UGT2B17: variants seen among roughly 807,000 people sequenced by gnomAD.
The protein encoded by UGT2B17 is UDP glucuronosyltransferase family 2 member B17.
UGT2B17 carries 21 observed loss-of-function variants against 48.2 expected under a neutral mutation model. The ratio of observed to expected loss-of-function variants is 0.44; its 90% CI spans 0.31 to 0.63. UGT2B17 has a LOEUF of 0.63. UGT2B17 is among the 20% of genes least tolerant of loss of function. The pLI is 0.08. For synonymous variants in UGT2B17, 146 were observed against 238.4 expected (o/e 0.61, Z 3.57); for missense variants, 402 against 696.1 (o/e 0.58, Z 4.75).
At chr4:68,561,039 A>T (rs77332694) in intron 3 of UGT2B17, among the ~76,000 whole-genome samples, 1 of 120,454 alleles carries the variant, frequency 8.3e-6, no homozygotes, top group African/African-American at 2.8e-5. Flanking sequence ...CTTTAATTCT[A>T]TTTTTTTTTG....
At chr4:68,555,935 T>A (rs1162576247) in intron 4 of UGT2B17, among the ~76,000 whole-genome samples, 1 of 120,100 alleles carries the variant, frequency 8.3e-6, no homozygotes, top group Non-Finnish European at 1.7e-5. Flanking sequence ...TTTTTTTTTT[T>A]TTTTTTGTAA....
rs1351678606 is a variant in UGT2B17 at position 68,558,484 on chromosome 4, A to T, written c.1005+2053T>A. The stretch of plus-strand genomic sequence containing the variant: ...TAACAGCAACCAATTTACATACATA[A>T]TCCACTTTCATACCTGCCTACTGAT... On this transcript the variant is annotated intron_variant, in intron 4 of 6. Coordinates refer to ENST00000317746, the MANE Select transcript of UGT2B17 (RefSeq NM_001077.4). Among the ~76,000 whole-genome samples the T allele has an allele frequency of 4.0e-5, 5 of 126,260 alleles. 2 individuals carry two copies. The highest frequency in any genetic ancestry group is 8.4e-5 in the Non-Finnish European group (5 of 59,362). 82.8% of individuals were successfully genotyped at this position (126,260 alleles called of 152,430 possible).
In UGT2B17 at chr4:68,550,796, C is replaced by T. The variant is rs777284286; in HGVS notation, c.1194G>A (p.Ala398=). The change falls in exon 6 of 7, where the codon GCG becomes GCA. Residue 398 remains alanine (A), a synonymous_variant. Transcript: ENST00000317746. ...TGTGAGCAATGTTATCATGTTGATC[C>T]GCAAACAAGGGAATGCCCACCATAG... The part of the protein sequence containing the change: ...GIPMVGIPLF[A]DQHDNIAHMK... 4.1e-5 allele frequency: 57 copies of T among 1,387,002 alleles called. 13 individuals are homozygous for T. Among genetic ancestry groups the T allele is most frequent in the African/African-American group, 1.6e-4 (11 of 67,542 alleles). 85.9% of individuals were successfully genotyped at this position (1,387,002 alleles called of 1,614,324 possible). A position where few individuals can be genotyped will look rare whatever the true frequency, so the allele number is the denominator to read the frequency against.
intron 1 of UGT2B17, among the ~76,000 whole-genome samples, chr4:68,573,194 A>G (rs1466414281): frequency 7.9e-6 from 1 of 127,280 alleles, no homozygotes; most frequent in Non-Finnish European, 1.7e-5. Context: ...GCCCTTGGAC[A>G]TGGGGGCCAG....
rs1730979008 is a variant in UGT2B17 at position 68,555,117 on chromosome 4, T to C, written c.1006-3206A>G. 1.6e-5 allele frequency among the ~76,000 whole-genome samples: 2 copies of C among 126,246 alleles called. 1 individual carries two copies. Among genetic ancestry groups the C allele is most frequent in the South Asian group, 7.3e-4 (2 of 2,726 alleles). 82.8% of individuals were successfully genotyped at this position (126,246 alleles called of 152,430 possible). ...TAAATAAGATAACAACAATTATTGA[T>C]AAAGTATGATAATATTAGAAATGCA... On this transcript the variant is annotated intron_variant, in intron 4 of 6. Transcript: ENST00000317746.
At chr4:68,542,416 G>C (rs1013201333) in intron 6 of UGT2B17, among the ~76,000 whole-genome samples, 7 of 126,294 alleles carry the variant, frequency 5.5e-5, no homozygotes, top group Admixed American at 2.4e-4. Flanking sequence ...AATGTCAATG[G>C]TAGTTTGATG....
intron 2 of UGT2B17, among the ~76,000 whole-genome samples, chr4:68,566,334 C>A (rs1731201855): frequency 8.2e-6 from 1 of 121,340 alleles, no homozygotes; most frequent in Admixed American, 8.8e-5. Flanking sequence ...TCAGTATATT[C>A]ACAATCATAA....
intron 3 of UGT2B17, among the ~76,000 whole-genome samples, chr4:68,564,638 T>C (rs1402218988): frequency 8.0e-6 from 1 of 125,334 alleles, no homozygotes; most frequent in African/African-American, 2.7e-5. Context: ...TTTGGAGTCC[T>C]GGGAACTGCC....
Position 68,537,500 on chromosome 4 carries a change from A to G in UGT2B17, c.*125T>C, listed in dbSNP as rs1730573731. The stretch of plus-strand genomic sequence containing the variant: ...TTCCTGGAAAATAAATTTTGACTTA[A>G]CAGGGTAAGTTGTGAAAAGACGTTT... On this transcript the variant is annotated 3_prime_UTR_variant, in exon 7 of 7. Coordinates refer to ENST00000317746, the MANE Select transcript of UGT2B17 (RefSeq NM_001077.4). 5 of 848,542 alleles carry G rather than the reference A, an allele frequency of 5.9e-6. 2 individuals carry two copies. The South Asian group carries it at 1.3e-4, about 22-fold the overall frequency. The allele number at this position is 848,542 out of a possible 1,614,324, so 52.6% of individuals were successfully genotyped here.
Position 68,568,644 on chromosome 4 carries a change from T to G in UGT2B17, c.-64-96A>C, listed in dbSNP as rs747629275. 5 of 756,448 alleles carry G rather than the reference T, an allele frequency of 6.6e-6. 1 individual carries two copies. The highest frequency in any genetic ancestry group is 4.0e-5 in the Admixed American group (1 of 24,846). 46.9% of individuals were successfully genotyped at this position (756,448 alleles called of 1,614,324 possible). On this transcript the variant is annotated intron_variant, in intron 1 of 6. Transcript: ENST00000317746. ...GTTTGGTGTTCTTTTATATTTACAATTACTCTAGTCAAGCAATAATTTTTA... is the reference window on the plus strand; with the variant it reads ...GTTTGGTGTTCTTTTATATTTACAAGTACTCTAGTCAAGCAATAATTTTTA...
At chr4:68,546,744 C>T (rs1730818353) in intron 6 of UGT2B17, among the ~76,000 whole-genome samples, 1 of 125,490 alleles carries the variant, frequency 8.0e-6, no homozygotes, top group Non-Finnish European at 1.7e-5. Flanking sequence ...GATAAAAAAT[C>T]AATGTGCAAA....
At position 68,570,867 on chromosome 4, in the gene UGT2B17, T is replaced by C. The variant is rs1212096854; in HGVS notation, c.-64-2319A>G. Among the ~76,000 whole-genome samples the C allele has an allele frequency of 3.2e-5, 4 of 126,656 alleles. 2 individuals are homozygous for C. Among genetic ancestry groups the C allele is most frequent in the African/African-American group, 5.4e-5 (2 of 36,874 alleles). 83.1% of individuals were successfully genotyped at this position (126,656 alleles called of 152,430 possible). Reference sequence around the variant, plus strand: ...CGTGCTACACTTGCACAGGTACATGTGCCAGTTTTGTCATATTTTTAACTA... The same window carrying C: ...CGTGCTACACTTGCACAGGTACATGCGCCAGTTTTGTCATATTTTTAACTA... On this transcript the variant is annotated intron_variant, in intron 1 of 6. Transcript: ENST00000317746.
At chr4:68,563,579 A>G (rs1354316573) in intron 3 of UGT2B17, among the ~76,000 whole-genome samples, 1 of 126,524 alleles carries the variant, frequency 7.9e-6, no homozygotes, top group African/African-American at 2.7e-5. Context: ...TCATGGTAGT[A>G]TTAGTAATAA....
Position 68,570,934 on chromosome 4 carries a change from A to G in UGT2B17, c.-64-2386T>C, listed in dbSNP as rs188787158. On this transcript the variant is annotated intron_variant, in intron 1 of 6. Coordinates refer to ENST00000317746, the MANE Select transcript of UGT2B17 (RefSeq NM_001077.4). ...CCTGATTATCTATGTGTAGACAGTAATTAGTAAGGTTAAATTTTTCACAAA... is the reference window on the plus strand; with the variant it reads ...CCTGATTATCTATGTGTAGACAGTAGTTAGTAAGGTTAAATTTTTCACAAA... Among the ~76,000 whole-genome samples, 376 of 126,194 alleles carry G rather than the reference A, an allele frequency of 3.0e-3. 94 individuals carry two copies. Among genetic ancestry groups the G allele is most frequent in the Non-Finnish European group, 2.8e-3 (164 of 59,606 alleles). The allele number at this position is 126,194 out of a possible 152,430, so 82.8% of individuals were successfully genotyped here.
intron 1 of UGT2B17, among the ~76,000 whole-genome samples, chr4:68,574,217 A>G (rs2109781554): frequency 7.8e-6 from 1 of 127,430 alleles, no homozygotes; most frequent in South Asian, 3.5e-4. Flanking sequence ...TATTTCCATT[A>G]GCACTAATTT....
At position 68,563,998 on chromosome 4, in the gene UGT2B17, A is replaced by G. The variant is rs187989180; in HGVS notation, c.873+1574T>C. On this transcript the variant is annotated intron_variant, in intron 3 of 6. Transcript: ENST00000317746. Reference sequence around the variant, plus strand: ...CAACAATATTTTTGGATCACTGGCTATGTGTCAGAGACAACTTAAGTGTTT... The same window carrying G: ...CAACAATATTTTTGGATCACTGGCTGTGTGTCAGAGACAACTTAAGTGTTT... Among the ~76,000 whole-genome samples the G allele has an allele frequency of 4.0e-5, 5 of 124,766 alleles. 2 individuals are homozygous for G. Among genetic ancestry groups the G allele is most frequent in the East Asian group, 1.5e-3 (2 of 1,298 alleles). The allele number at this position is 124,766 out of a possible 152,430, so 81.9% of individuals were successfully genotyped here.
In UGT2B17 at chr4:68,539,224, T is replaced by C. The variant is rs1386987423; in HGVS notation, c.1314-1320A>G. On this transcript the variant is annotated intron_variant, in intron 6 of 6. Transcript: ENST00000317746. ...ATCACAAACTGCATAGAAGAACTCT[T>C]TCCTCCTGGGCCATTTTAGTCACTA... Among the ~76,000 whole-genome samples, 3 of 126,034 alleles carry C rather than the reference T, an allele frequency of 2.4e-5. 1 individual carries two copies. Among genetic ancestry groups the C allele is most frequent in the African/African-American group, 8.1e-5 (3 of 37,086 alleles). 82.7% of individuals were successfully genotyped at this position (126,034 alleles called of 152,430 possible).
chr4:68,541,484 T>G (rs1203023603), intron 6 of UGT2B17, among the ~76,000 whole-genome samples: 1 of 126,244 alleles, frequency 7.9e-6, no homozygotes, highest in African/African-American at 2.7e-5. Context: ...GCCCACTTTT[T>G]GGTGGTGGTG....
At position 68,547,999 on chromosome 4, in the gene UGT2B17, A is replaced by T. The variant is rs1348417272; in HGVS notation, c.1313+2678T>A. The stretch of plus-strand genomic sequence containing the variant: ...GGTGGGACTGTAAACTAGTTCAACC[A>T]TTGTGGAAGTCAGTGTGGCGATTCC... On this transcript the variant is annotated intron_variant, in intron 6 of 6. Coordinates refer to ENST00000317746, the MANE Select transcript of UGT2B17 (RefSeq NM_001077.4). Among the ~76,000 whole-genome samples, 16 of 126,916 alleles carry T rather than the reference A, an allele frequency of 1.3e-4. 5 individuals are homozygous for T. The highest frequency in any genetic ancestry group is 1.2e-4 in the Non-Finnish European group (7 of 59,702). The allele number at this position is 126,916 out of a possible 152,430, so 83.3% of individuals were successfully genotyped here.
Sources: gnomAD v4.1 joint callset for allele counts (sites outside exome capture counted in the v4.1 genomes callset) on GRCh38, gnomAD v4.1.1 for gene constraint, MANE v1.5 for transcripts, NCBI Gene and HGNC (gene_info 2026-07-23, HGNC 2026-07-21) for gene names.